Variants in RICTOR observed in about 807,000 individuals in gnomAD.
The protein encoded by RICTOR is RPTOR independent companion of MTOR complex 2, also known as rapamycin-insensitive companion of mTOR.
A neutral mutation model predicts 214.9 loss-of-function variants in RICTOR; 49 were observed. That is an observed-to-expected ratio of 0.23 (90% CI 0.18 to 0.29). RICTOR has a LOEUF of 0.29. RICTOR is among the 10% of genes least tolerant of loss of function. The pLI is 1.00. For synonymous variants in RICTOR, 717 were observed against 711.3 expected (o/e 1.01, Z -0.13); for missense variants, 1,625 against 2,047.0 (o/e 0.79, Z 3.98).
chr5:39,007,878 T>C (rs1754201050), intron 3 of RICTOR, among the ~76,000 whole-genome samples: 1 of 150,292 alleles, frequency 6.7e-6, no homozygotes, highest in African/African-American at 2.4e-5. Context: ...AATATTATTA[T>C]ATACTGGTAA....
At chr5:39,053,658 C>T (rs1005709315) in intron 2 of RICTOR, among the ~76,000 whole-genome samples, 4 of 151,850 alleles carry the variant, frequency 2.6e-5, no homozygotes, top group Non-Finnish European at 5.9e-5. Context: ...TTTGGGAGGC[C>T]GAGATGGGTG....
chr5:39,057,003 C>A (rs1758248187), intron 2 of RICTOR, among the ~76,000 whole-genome samples: 4 of 152,104 alleles, frequency 2.6e-5, no homozygotes. Context: ...ATCTACCTTG[C>A]AAATACCACC....
At chr5:38,993,034 T>A (rs371195875) in intron 6 of RICTOR, among the ~76,000 whole-genome samples, 1 of 152,044 alleles carries the variant, frequency 6.6e-6, no homozygotes, top group African/African-American at 2.4e-5. Flanking sequence ...GTAACAATTG[T>A]GGTAGTAGTG....
At chr5:38,953,841 G>T (rs1390229129) in intron 27 of RICTOR, among the ~76,000 whole-genome samples, 1 of 151,712 alleles carries the variant, frequency 6.6e-6, no homozygotes, top group Non-Finnish European at 1.5e-5. Flanking sequence ...GCATCATAAG[G>T]TTTCAAGATT....
chr5:38,962,541 G>C lies in RICTOR; in HGVS notation c.1612C>G (p.Leu538Val). 6.3e-7 allele frequency: 1 copy of C among 1,584,718 alleles called. No individual in the cohort carries two copies. The change falls in exon 18 of 38, where the codon CTT becomes GTT. Residue 538 changes from leucine (L) to valine (V), a missense_variant. Leu to Val is a conservative substitution (Grantham distance 32). Coordinates refer to ENST00000357387, the MANE Select transcript of RICTOR (RefSeq NM_152756.5). ...CATTCAAGATTCTCTTTATGTTGAAGGACTTGGCTATCTCTAAGGTTAATT... is the reference window on the plus strand; with the variant it reads ...CATTCAAGATTCTCTTTATGTTGAACGACTTGGCTATCTCTAAGGTTAATT... ...LLINLRDSQVLQHKENLEWNW... is the reference protein window; with the variant it reads ...LLINLRDSQVVQHKENLEWNW...
chr5:38,986,972 T>C (rs1022897064), intron 7 of RICTOR, among the ~76,000 whole-genome samples: 1 of 152,236 alleles, frequency 6.6e-6, no homozygotes, highest in African/African-American at 2.4e-5. Context: ...TCTGCATCTA[T>C]TGAGGTAATC....
chr5:39,045,606 G>C (rs1450675904), intron 2 of RICTOR, among the ~76,000 whole-genome samples: 2 of 152,068 alleles, frequency 1.3e-5, no homozygotes, highest in African/African-American at 2.4e-5. Context: ...GTGAAAGAAT[G>C]GAACAGCTGT....
chr5:39,030,943 AAAC>A (rs975985463), intron 2 of RICTOR, among the ~76,000 whole-genome samples: 7 of 152,168 alleles, frequency 4.6e-5, no homozygotes, highest in African/African-American at 1.7e-4. Flanking sequence ...AAGGAAAAAG[AAAC>A]AACTACAAAA....
Position 39,048,246 on chromosome 5 carries a change from T to C in RICTOR, c.97+25865A>G, listed in dbSNP as rs115410604. Among the ~76,000 whole-genome samples, 911 of 152,224 alleles carry C rather than the reference T, an allele frequency of 6.0e-3. 13 individuals are homozygous for C. The highest frequency in any genetic ancestry group is 0.019 in the African/African-American group (799 of 41,546). ...ATCCCCAGGTGGTCCAACTGTATAT[T>C]TGTGCAGAAAAAAAGTTAACCTAGC... is the stretch of plus-strand genomic sequence containing the variant. On this transcript the variant is annotated intron_variant, in intron 2 of 37. Coordinates refer to ENST00000357387, the MANE Select transcript of RICTOR (RefSeq NM_152756.5).
chr5:39,060,736 G>T (rs913156749), intron 2 of RICTOR, among the ~76,000 whole-genome samples: 2 of 151,940 alleles, frequency 1.3e-5, no homozygotes, highest in African/African-American at 4.8e-5. Context: ...CCTGGTTCCT[G>T]GGGGTTCCAA....
In RICTOR at chr5:38,942,296, A is replaced by G. The variant is rs763685053; in HGVS notation, c.*8T>C. On this transcript the variant is annotated 3_prime_UTR_variant, in exon 38 of 38. Transcript: ENST00000357387. ...TAGTATGTATCTATATCCATCATAA[A>G]TATGAGGTCAGGATTCAGCAGATGT... 1.9e-6 allele frequency: 3 copies of G among 1,545,594 alleles called. No homozygotes were observed. Among genetic ancestry groups the G allele is most frequent in the Non-Finnish European group, 2.7e-6 (3 of 1,122,860 alleles).
At chr5:39,002,037 T>G in intron 5 of RICTOR, among the ~76,000 whole-genome samples, 1 of 152,182 alleles carries the variant, frequency 6.6e-6, no homozygotes, top group African/African-American at 2.4e-5. Context: ...TCTATAAGAA[T>G]ATTCTTGCAG....
intron 2 of RICTOR, among the ~76,000 whole-genome samples, chr5:39,041,135 G>A (rs766068074): frequency 2.8e-4 from 43 of 152,212 alleles, no homozygotes; most frequent in Non-Finnish European, 4.4e-4. Context: ...GAGCAAGACA[G>A]TAAGTGACAC....
chr5:38,962,690 G>GAT, intron 17 of RICTOR, 104 bp from the exon 18 acceptor site: 1 of 800,782 alleles, frequency 1.2e-6, no homozygotes, highest in Non-Finnish European at 2.0e-6. Flanking sequence ...TCCATTTAAG[G>GAT]ATAGATCAAG....
At chr5:39,069,609 T>C (rs1444494422) in intron 2 of RICTOR, among the ~76,000 whole-genome samples, 3 of 152,196 alleles carry the variant, frequency 2.0e-5, no homozygotes, top group Non-Finnish European at 2.9e-5. Flanking sequence ...ATTCACTGCA[T>C]AGAGTGGGGG....
chr5:39,005,026 C>A (rs1561522721), intron 3 of RICTOR, among the ~76,000 whole-genome samples: 2 of 152,192 alleles, frequency 1.3e-5, no homozygotes, highest in Non-Finnish European at 2.9e-5. Flanking sequence ...GGTGATCCGC[C>A]CGCCTTGGCC....
At chr5:39,029,537 T>C (rs1027399024) in intron 2 of RICTOR, among the ~76,000 whole-genome samples, 1 of 152,128 alleles carries the variant, frequency 6.6e-6, no homozygotes, top group Non-Finnish European at 1.5e-5. Flanking sequence ...ACAAAACTGA[T>C]TTTTAAACAA....
intron 4 of RICTOR, 96 bp downstream of exon 4, chr5:39,003,462 T>G: frequency 4.1e-6 from 3 of 726,502 alleles, no homozygotes; most frequent in Non-Finnish European, 6.9e-6. Context: ...AAATCAAATA[T>G]GAGGTGCTGT....
chr5:39,017,726 T>C (rs995081455), intron 3 of RICTOR, among the ~76,000 whole-genome samples: 1 of 152,112 alleles, frequency 6.6e-6, no homozygotes, highest in Non-Finnish European at 1.5e-5. Context: ...TTGTATTACA[T>C]AGTGACTATA....
Sources: allele counts gnomAD v4.1 joint callset (sites outside exome capture counted in the v4.1 genomes callset), GRCh38; gene constraint gnomAD v4.1.1; transcripts MANE v1.5; gene names NCBI Gene and HGNC (gene_info 2026-07-23, HGNC 2026-07-21).